The following ZNF385B variants were observed in gnomAD, a reference collection of about 807,000 sequenced individuals.
The protein encoded by ZNF385B is zinc finger protein 533.
In ZNF385B, 23 loss-of-function variants were observed where a neutral mutation model predicts 39.2. The ratio of observed to expected loss-of-function variants is 0.59; its 90% CI spans 0.42 to 0.83. The LOEUF (loss-of-function observed/expected upper bound fraction) is 0.83. Among genes scored for constraint, ZNF385B ranks in the 40% least tolerant of loss-of-function variants. The pLI is 0.00. For synonymous variants in ZNF385B, 205 were observed against 222.6 expected (o/e 0.92, Z 0.70); for missense variants, 552 against 598.9 (o/e 0.92, Z 0.82).
At chr2:179,523,949 A>C (rs2058687607) in intron 4 of ZNF385B, among the ~76,000 whole-genome samples, 1 of 152,098 alleles carries the variant, frequency 6.6e-6, no homozygotes, top group African/African-American at 2.4e-5. Flanking sequence ...TGCCCAGCTA[A>C]GTTTTTTTTT....
chr2:179,667,941 CCTT>C (rs565087989), intron 3 of ZNF385B, among the ~76,000 whole-genome samples: 10 of 152,318 alleles, frequency 6.6e-5, no homozygotes, highest in Admixed American at 2.6e-4. Context: ...ACCTCCTCCT[CCTT>C]AAGTTGGCCT....
chr2:179,624,451 G>T (rs950195743), intron 3 of ZNF385B, among the ~76,000 whole-genome samples: 1 of 152,110 alleles, frequency 6.6e-6, no homozygotes, highest in Non-Finnish European at 1.5e-5. Flanking sequence ...CCAAATACTA[G>T]GTCTTCTGTC....
intron 1 of ZNF385B, among the ~76,000 whole-genome samples, chr2:179,847,284 G>T (rs1256653534): frequency 6.6e-6 from 1 of 152,132 alleles, no homozygotes; most frequent in Non-Finnish European, 1.5e-5. Context: ...AATTATTTTG[G>T]TAACTCTTCT....
chr2:179,768,740 A>G (rs971720029), intron 3 of ZNF385B, among the ~76,000 whole-genome samples: 1 of 152,208 alleles, frequency 6.6e-6, no homozygotes, highest in Admixed American at 6.5e-5. Flanking sequence ...TTTTTCTTTA[A>G]TTCTGTCACA....
chr2:179,697,120 T>C (rs1473085968), intron 3 of ZNF385B, among the ~76,000 whole-genome samples: 3 of 152,204 alleles, frequency 2.0e-5, no homozygotes, highest in African/African-American at 4.8e-5. Flanking sequence ...TCTGATTTAA[T>C]TTTGCTTACG....
chr2:179,572,493 T>C (rs1354097531), intron 3 of ZNF385B, among the ~76,000 whole-genome samples: 1 of 152,032 alleles, frequency 6.6e-6, no homozygotes, highest in Non-Finnish European at 1.5e-5. Flanking sequence ...CATAGTAACC[T>C]ATGTGAGAGA....
intron 3 of ZNF385B, among the ~76,000 whole-genome samples, chr2:179,554,024 T>C: frequency 6.7e-6 from 1 of 149,184 alleles, no homozygotes; most frequent in South Asian, 2.1e-4. Context: ...ACCTCCACTG[T>C]CTTTTCTATA....
intron 3 of ZNF385B, among the ~76,000 whole-genome samples, chr2:179,692,014 C>T (rs1452875017): frequency 6.6e-6 from 1 of 152,050 alleles, no homozygotes; most frequent in African/African-American, 2.4e-5. Context: ...AGGAACATTC[C>T]AATTCCACTC....
At chr2:179,491,965 C>T (rs572638018) in intron 5 of ZNF385B, among the ~76,000 whole-genome samples, 16 of 152,230 alleles carry the variant, frequency 1.1e-4, no homozygotes, top group Admixed American at 4.6e-4. Context: ...CCTCCTAAAG[C>T]GCTGAGATTC....
chr2:179,508,043 CGGT>C (rs1192122580), intron 5 of ZNF385B, among the ~76,000 whole-genome samples: 10 of 152,126 alleles, frequency 6.6e-5, no homozygotes, highest in Admixed American at 5.9e-4. Flanking sequence ...ATGTTCTAAA[CGGT>C]ATTAAATTAG....
At chr2:179,690,666 A>G (rs1698284517) in intron 3 of ZNF385B, among the ~76,000 whole-genome samples, 1 of 152,142 alleles carries the variant, frequency 6.6e-6, no homozygotes, top group African/African-American at 2.4e-5. Flanking sequence ...CTTAGGGTCA[A>G]ATTCCATTTT....
intron 3 of ZNF385B, among the ~76,000 whole-genome samples, chr2:179,594,797 C>CTTTTTTTTTT (rs35322965): frequency 3.4e-5 from 5 of 145,376 alleles, no homozygotes; most frequent in Non-Finnish European, 3.0e-5. Flanking sequence ...TAGGTAAACT[C>CTTTTTTTTTT]TTTTTTTTTT....
chr2:179,739,999 A>AT (rs1455214634), intron 3 of ZNF385B, among the ~76,000 whole-genome samples: 3 of 152,200 alleles, frequency 2.0e-5, no homozygotes, highest in African/African-American at 7.2e-5. Context: ...TTGTGCAATA[A>AT]TAAAAAATAC....
intron 1 of ZNF385B, among the ~76,000 whole-genome samples, chr2:179,824,922 C>A (rs1297238707): frequency 6.6e-6 from 1 of 151,330 alleles, no homozygotes; most frequent in African/African-American, 2.4e-5. Flanking sequence ...CTAAAGAAAT[C>A]TGAGACAAGG....
chr2:179,571,315 A>G (rs1685187765), intron 3 of ZNF385B, among the ~76,000 whole-genome samples: 1 of 152,232 alleles, frequency 6.6e-6, no homozygotes, highest in African/African-American at 2.4e-5. Context: ...AACAGCTGTA[A>G]AAATAATGAC....
At chr2:179,749,032 TA>T (rs764889256) in intron 3 of ZNF385B, among the ~76,000 whole-genome samples, 15 of 152,158 alleles carry the variant, frequency 9.9e-5, no homozygotes, top group Non-Finnish European at 2.2e-4. Context: ...AAACTGCATT[TA>T]TTTTTTTGAC....
At chr2:179,611,023 G>A (rs749434686) in intron 3 of ZNF385B, among the ~76,000 whole-genome samples, 8 of 151,964 alleles carry the variant, frequency 5.3e-5, no homozygotes, top group African/African-American at 1.4e-4. Context: ...CAATTTAGAC[G>A]CCCTTTCTTT....
intron 3 of ZNF385B, among the ~76,000 whole-genome samples, chr2:179,610,221 T>G (rs1689173841): frequency 6.6e-6 from 1 of 152,212 alleles, no homozygotes; most frequent in African/African-American, 2.4e-5. Context: ...CATTTTGATT[T>G]TATTTTTGTA....
intron 6 of ZNF385B, among the ~76,000 whole-genome samples, chr2:179,472,547 T>G (rs2052892915): frequency 6.6e-6 from 1 of 152,224 alleles, no homozygotes; most frequent in Admixed American, 6.5e-5. Flanking sequence ...ACTTCTAGTG[T>G]TTGATATTTT....
Sources: allele counts gnomAD v4.1 joint callset (sites outside exome capture counted in the v4.1 genomes callset), GRCh38; gene constraint gnomAD v4.1.1; transcripts MANE v1.5; gene names NCBI Gene and HGNC (gene_info 2026-07-23, HGNC 2026-07-21).